Variants in MALRD1 observed in about 807,000 individuals in gnomAD.
The protein encoded by MALRD1 is MAM and LDL-receptor class A domain-containing protein 1.
In MALRD1, 247 loss-of-function variants were observed where a neutral mutation model predicts 242.1. The ratio of observed to expected loss-of-function variants is 1.02; its 90% confidence interval spans 0.92 to 1.13. The LOEUF is 1.13. MALRD1 is among the 50% of genes most tolerant of loss of function. The probability of loss-of-function intolerance (pLI) is 0.00; values close to 1 mark genes in which losing one functional copy is unlikely to be tolerated. For synonymous variants in MALRD1, 995 were observed against 866.6 expected, an observed-to-expected ratio of 1.15 and a Z score of -2.60; for missense variants, 2,989 against 2,533.1, an observed-to-expected ratio of 1.18 and a Z score of -3.86.
chr10:19,547,066 C>G (rs1835236886), intron 32 of MALRD1, among the ~76,000 whole-genome samples: 1 of 152,066 alleles, frequency 6.6e-6, no homozygotes. Context: ...TGCAGTGATA[C>G]TGTTCATTGA....
At chr10:19,159,097 C>G (rs879848835) in intron 12 of MALRD1, among the ~76,000 whole-genome samples, 1 of 152,068 alleles carries the variant, frequency 6.6e-6, no homozygotes, top group African/African-American at 2.4e-5. Flanking sequence ...TCATTTAAAC[C>G]GGAAAAACAG....
At chr10:19,671,880 A>G (rs190864293) in intron 36 of MALRD1, among the ~76,000 whole-genome samples, 3 of 152,270 alleles carry the variant, frequency 2.0e-5, no homozygotes, top group African/African-American at 7.2e-5. Flanking sequence ...TAAGCAGAAG[A>G]TAAGGCAACC....
chr10:19,717,086 CT>C (rs1834426489), intron 38 of MALRD1, among the ~76,000 whole-genome samples: 1 of 152,120 alleles, frequency 6.6e-6, no homozygotes, highest in Non-Finnish European at 1.5e-5. Context: ...AAGAGCCTTG[CT>C]TCACTTGTTT....
intron 26 of MALRD1, among the ~76,000 whole-genome samples, chr10:19,360,354 G>A (rs1739292679): frequency 6.6e-6 from 1 of 151,942 alleles, no homozygotes; most frequent in South Asian, 2.1e-4. Flanking sequence ...CTTATCTTCT[G>A]TTCGTGGATC....
Position 19,734,162 on chromosome 10 carries a change from T to A in MALRD1, c.6396T>A (p.Ser2132=). The stretch of plus-strand genomic sequence containing the variant: ...AATGTGTTTTTCTTCGTCAGAGTTC[T>A]GTCTATTCCTTCTCAAACCCATTAT... The part of the protein sequence containing the change: ...NWSNPEKTES[S]VYSFSNPLYG... The change falls in exon 40 of 40, where the codon TCT becomes TCA. Residue 2132 remains serine, a synonymous_variant. Coordinates refer to ENST00000454679, the MANE Select transcript of MALRD1 (RefSeq NM_001142308.3). The A allele has an allele frequency of 6.5e-7, 1 of 1,532,552 alleles. No individual in the cohort carries two copies. Among genetic ancestry groups the A allele is most frequent in the Non-Finnish European group, 8.7e-7 (1 of 1,145,708 alleles). The allele number at this position is 1,532,552 out of a possible 1,614,324, so 94.9% of individuals were successfully genotyped here.
intron 33 of MALRD1, among the ~76,000 whole-genome samples, chr10:19,576,134 C>T (rs1836812892): frequency 2.6e-5 from 4 of 152,258 alleles, no homozygotes. Context: ...AGGTTGACAA[C>T]ATTCAAGGGT....
At chr10:19,284,217 T>G (rs1840978513) in intron 21 of MALRD1, among the ~76,000 whole-genome samples, 1 of 152,082 alleles carries the variant, frequency 6.6e-6, no homozygotes, top group Non-Finnish European at 1.5e-5. Flanking sequence ...TATTTTCTAG[T>G]GTTGTAAGCA....
chr10:19,343,219 T>C (rs568070417), intron 24 of MALRD1, among the ~76,000 whole-genome samples: 14 of 152,102 alleles, frequency 9.2e-5, no homozygotes, highest in Non-Finnish European at 1.8e-4. Flanking sequence ...AATCAGCAAG[T>C]GATATTAATA....
intron 19 of MALRD1, among the ~76,000 whole-genome samples, chr10:19,275,009 C>T (rs909673438): frequency 2.0e-5 from 3 of 151,960 alleles, no homozygotes; most frequent in African/African-American, 7.3e-5. Flanking sequence ...GGATAAGGGT[C>T]CCTCTGAAGG....
chr10:19,599,571 C>A (rs1838256849), intron 34 of MALRD1, among the ~76,000 whole-genome samples: 2 of 152,118 alleles, frequency 1.3e-5, no homozygotes, highest in African/African-American at 2.4e-5. Context: ...AGGAGGGTTT[C>A]AAGATTTCAT....
intron 26 of MALRD1, among the ~76,000 whole-genome samples, chr10:19,368,602 G>A (rs1432321626): frequency 1.3e-5 from 2 of 151,736 alleles, no homozygotes; most frequent in East Asian, 3.9e-4. Context: ...ACTATTTGGG[G>A]TCTTTTGTAA....
intron 32 of MALRD1, among the ~76,000 whole-genome samples, chr10:19,553,426 T>C (rs1589232625): frequency 6.6e-6 from 1 of 152,292 alleles, no homozygotes; most frequent in East Asian, 1.9e-4. Flanking sequence ...TGTCAGAATA[T>C]AAAAATATTT....
chr10:19,201,574 G>A (rs1467072428), intron 14 of MALRD1, among the ~76,000 whole-genome samples: 1 of 152,066 alleles, frequency 6.6e-6, no homozygotes, highest in African/African-American at 2.4e-5. Flanking sequence ...TGAATTGTCT[G>A]AAATAAGAAT....
intron 33 of MALRD1, among the ~76,000 whole-genome samples, chr10:19,583,783 A>C (rs1284086555): frequency 1.3e-5 from 2 of 151,596 alleles, no homozygotes; most frequent in East Asian, 3.9e-4. Flanking sequence ...TGATTGGAAT[A>C]GTTTCAGAAG....
chr10:19,204,969 C>T lies in MALRD1; in HGVS notation c.2282C>T (p.Thr761Ile). The T allele has an allele frequency of 6.4e-7, 1 of 1,550,702 alleles. No homozygotes were observed. Among genetic ancestry groups the T allele is most frequent in the South Asian group, 1.2e-5 (1 of 84,056 alleles). The change falls in exon 17 of 40, where the codon ACA becomes ATA. Residue 761 changes from threonine (T) to isoleucine (I), a missense_variant. Physicochemically the swap from Thr to Ile is moderately conservative, Grantham distance 89. Transcript: ENST00000454679. ...CATATGGAAAATTCTCATGACTCAA[C>T]AGTGATTTGGAGAGTATTATACAAT... ...QLHMENSHDSTVIWRVLYNQG... is the reference protein window; with the variant it reads ...QLHMENSHDSIVIWRVLYNQG...
At chr10:19,271,995 T>G (rs1279279011) in intron 19 of MALRD1, among the ~76,000 whole-genome samples, 1 of 152,132 alleles carries the variant, frequency 6.6e-6, no homozygotes, top group African/African-American at 2.4e-5. Flanking sequence ...TATTCATGTG[T>G]AATAAAAATT....
At chr10:19,310,093 G>A (rs1324367230) in intron 21 of MALRD1, among the ~76,000 whole-genome samples, 1 of 151,382 alleles carries the variant, frequency 6.6e-6, no homozygotes, top group African/African-American at 2.4e-5. Flanking sequence ...TCTCACACAG[G>A]CCAAATCTAA....
In MALRD1 at chr10:19,556,305, T is replaced by C. The variant is rs117474364; in HGVS notation, c.5479-11197T>C. ...ATATGGAGGCATTATCATTAAAGTTTATAGTTTACACTAGGGCTTACTCTG... is the reference window on the plus strand; with the variant it reads ...ATATGGAGGCATTATCATTAAAGTTCATAGTTTACACTAGGGCTTACTCTG... On this transcript the variant is annotated intron_variant, in intron 32 of 39. Transcript: ENST00000454679. Among the ~76,000 whole-genome samples the C allele has an allele frequency of 6.2e-3, 946 of 152,246 alleles. 11 individuals carry two copies. Among genetic ancestry groups the C allele is most frequent in the Non-Finnish European group, 5.6e-3 (380 of 68,004 alleles).
chr10:19,553,230 G>C (rs1011130874), intron 32 of MALRD1, among the ~76,000 whole-genome samples: 1 of 151,882 alleles, frequency 6.6e-6, no homozygotes, highest in African/African-American at 2.4e-5. Context: ...CTCTATGGTT[G>C]GACAAGGAAA....
Sources: gnomAD v4.1 joint callset for allele counts (sites outside exome capture counted in the v4.1 genomes callset) on GRCh38, gnomAD v4.1.1 for gene constraint, MANE v1.5 for transcripts, NCBI Gene and HGNC (gene_info 2026-07-23, HGNC 2026-07-21) for gene names.